The following SAR1A variants were observed in gnomAD, a reference collection of about 807,000 sequenced individuals.
SAR1A encodes the protein secretion associated Ras related GTPase 1A.
A neutral mutation model predicts 22.6 loss-of-function variants in SAR1A; 6 were observed. The observed-to-expected ratio is 0.27, with a 90% CI of 0.15 to 0.52. The LOEUF (loss-of-function observed/expected upper bound fraction) is 0.52, where lower values mean the gene tolerates loss of function less well. Among genes scored for constraint, SAR1A ranks in the 20% least tolerant of loss-of-function variants. SAR1A has a pLI of 0.96. For synonymous variants in SAR1A, 70 were observed against 82.2 expected (o/e 0.85, Z 0.80); for missense variants, 145 against 245.1 (o/e 0.59, Z 2.73).
At chr10:70,157,675 G>T in intron 5 of SAR1A, 89 bp downstream of exon 5, 4 of 802,498 alleles carry the variant, frequency 5.0e-6, no homozygotes, top group South Asian at 1.8e-5. Context: ...CTAATTATTG[G>T]CACTACTGAG....
intron 4 of SAR1A, among the ~76,000 whole-genome samples, chr10:70,159,672 T>C (rs980083825): frequency 6.6e-6 from 1 of 152,248 alleles, no homozygotes; most frequent in South Asian, 2.1e-4. Context: ...CTCAACCTAA[T>C]GTTTCAAAAC....
chr10:70,148,794 CAAACAA>C lies in SAR1A; in HGVS notation c.*3676_*3681del, dbSNP rs1338143452. 1 of 142,368 alleles carries C rather than the reference CAAACAA, an allele frequency of 7.0e-6. No homozygotes were observed. Among genetic ancestry groups the C allele is most frequent in the African/African-American group, 2.9e-5 (1 of 34,174 alleles). 8.8% of individuals were successfully genotyped at this position (142,368 alleles called of 1,614,324 possible). ...GACAGAGTGAGACCAACTCAAAAAACAAACAAACAAACAAACAAACAAACTTTCTCT... is the reference window on the plus strand; with the variant it reads ...GACAGAGTGAGACCAACTCAAAAAACACAAACAAACAAACAAACTTTCTCT... On this transcript the variant is annotated 3_prime_UTR_variant, in exon 7 of 7. Coordinates refer to ENST00000373241, the MANE Select transcript of SAR1A (RefSeq NM_020150.5).
In SAR1A at chr10:70,153,840, T is replaced by TTC; in HGVS notation, c.476_477dup (p.Lys160GlufsTer5). 6.3e-7 allele frequency: 1 copy of TTC among 1,579,454 alleles called. No individual in the cohort carries two copies. Among genetic ancestry groups the TTC allele is most frequent in the Non-Finnish European group, 8.5e-7 (1 of 1,170,458 alleles). ...TAACCCAAATATTTTTCTCTTACCT[T>TTC]TCCTGTGGTCTGTCCATAAAGCCCA... is the stretch of plus-strand genomic sequence containing the variant. On this transcript the variant is annotated frameshift_variant, in exon 6 of 7. Coordinates refer to ENST00000373241, the MANE Select transcript of SAR1A (RefSeq NM_020150.5). LOFTEE classifies it high-confidence loss of function.
chr10:70,162,061 C>T, intron 1 of SAR1A, 130 bp from the exon 2 acceptor site: 1 of 683,284 alleles, frequency 1.5e-6, no homozygotes, highest in Non-Finnish European at 2.5e-6. Flanking sequence ...GAAAGCAGGC[C>T]AGGCATGGTG....
At chr10:70,156,706 T>TGGCAGGCAATTCTACATGA (rs1320049481) in intron 5 of SAR1A, among the ~76,000 whole-genome samples, 2 of 148,388 alleles carry the variant, frequency 1.3e-5, no homozygotes, top group African/African-American at 4.9e-5. Context: ...AAAGACTGCG[T>TGGCAGGCAATTCTACATGA]GGCAGGCAAT....
intron 1 of SAR1A, chr10:70,163,707 A>G: frequency 2.5e-6 from 2 of 788,420 alleles, no homozygotes; most frequent in East Asian, 2.4e-5. Flanking sequence ...CTGACTGAGG[A>G]GCAGATTGTA....
At chr10:70,159,758 C>T (rs776418233) in intron 4 of SAR1A, among the ~76,000 whole-genome samples, 37 of 152,198 alleles carry the variant, frequency 2.4e-4, no homozygotes, top group Non-Finnish European at 4.4e-4. Context: ...CCTACTTTCC[C>T]AGAATATTTA....
intron 1 of SAR1A, among the ~76,000 whole-genome samples, chr10:70,162,243 G>C (rs567647321): frequency 4.4e-4 from 67 of 151,570 alleles, no homozygotes; most frequent in Non-Finnish European, 4.4e-5. Context: ...AGGAGGGTGA[G>C]ACAGAAGAAT....
chr10:70,159,524 G>A (rs1300165921), intron 4 of SAR1A, among the ~76,000 whole-genome samples: 2 of 151,952 alleles, frequency 1.3e-5, no homozygotes, highest in Non-Finnish European at 2.9e-5. Context: ...CGGAAACCCA[G>A]TCTCTACAAA....
At position 70,148,260 on chromosome 10, in the gene SAR1A, T is replaced by TTTAAATAAAGCAGTG. The variant is rs1433176853; in HGVS notation, c.*4215_*4216insCACTGCTTTATTTAA. The TTTAAATAAAGCAGTG allele has an allele frequency of 2.0e-5, 3 of 152,286 alleles. No homozygotes were observed. Among genetic ancestry groups the TTTAAATAAAGCAGTG allele is most frequent in the East Asian group, 3.8e-4 (2 of 5,208 alleles). 9.4% of individuals were successfully genotyped at this position (152,286 alleles called of 1,614,324 possible). ...TTCTCTAATCTTTCTGCCTGAATTC[T>TTTAAATAAAGCAGTG]TTAAATAAAGTTAACACTGCTTGGT... On this transcript the variant is annotated 3_prime_UTR_variant, in exon 7 of 7. Transcript: ENST00000373241.
chr10:70,155,889 C>T (rs555502295), intron 5 of SAR1A, among the ~76,000 whole-genome samples: 1 of 152,050 alleles, frequency 6.6e-6, no homozygotes, highest in African/African-American at 2.4e-5. Flanking sequence ...ATGAATGATC[C>T]TATGTGCTAT....
rs1839298817 is a variant in SAR1A at position 70,149,233 on chromosome 10, CCTGG to C, written c.*3239_*3242del. On this transcript the variant is annotated 3_prime_UTR_variant, in exon 7 of 7. Coordinates refer to ENST00000373241, the MANE Select transcript of SAR1A (RefSeq NM_020150.5). ...GGGATTAAAGGTGCGTCCCACCGTG[CCTGG>C]CTAATTTTTGTATTTTTAGTAGAGA... 1 of 152,162 alleles carries C rather than the reference CCTGG, an allele frequency of 6.6e-6. No individual in the cohort carries two copies. The highest frequency in any genetic ancestry group is 1.5e-5 in the Non-Finnish European group (1 of 68,074). 9.4% of individuals were successfully genotyped at this position (152,162 alleles called of 1,614,324 possible).
rs1839265961 is a variant in SAR1A, at chr10:70,147,419, T to C, written c.*5057A>G. 1 of 152,180 alleles carries C rather than the reference T, an allele frequency of 6.6e-6. No individual in the cohort carries two copies. Among genetic ancestry groups the C allele is most frequent in the African/African-American group, 2.4e-5 (1 of 41,430 alleles). The allele number at this position is 152,180 out of a possible 1,614,324, so 9.4% of individuals were successfully genotyped here. A position where few individuals can be genotyped will look rare whatever the true frequency, so the allele number is the denominator to read the frequency against. On this transcript the variant is annotated 3_prime_UTR_variant, in exon 7 of 7. Coordinates refer to ENST00000373241, the MANE Select transcript of SAR1A (RefSeq NM_020150.5). ...CTGTAGAAGGCCAGAATGGAAACAG[T>C]TCCAGTTTGGGGGGACCATACAACT...
intron 5 of SAR1A, chr10:70,155,174 T>G (rs1190790351): frequency 4.1e-6 from 2 of 483,406 alleles, no homozygotes. Context: ...TATTTTTCAG[T>G]ATAATGAATT....
chr10:70,161,493 C>A (rs890073528), intron 3 of SAR1A, 126 bp downstream of exon 3: 3 of 1,128,018 alleles, frequency 2.7e-6, no homozygotes, highest in Non-Finnish European at 3.8e-6. Flanking sequence ...TTACAGGGAA[C>A]TTTCTCGTAT....
rs775143484 is a variant in SAR1A, at chr10:70,153,835, T to C, written c.480+3A>G. The C allele has an allele frequency of 8.9e-6, 14 of 1,576,236 alleles. No individual in the cohort carries two copies. In the South Asian group the frequency reaches 1.4e-4, roughly 16 times the overall value. On this transcript the variant is annotated splice_donor_region_variant and intron_variant, in intron 6 of 6. Coordinates refer to ENST00000373241, the MANE Select transcript of SAR1A (RefSeq NM_020150.5). ...ATATGTAACCCAAATATTTTTCTCT[T>C]ACCTTTCCTGTGGTCTGTCCATAAA...
At position 70,152,503 on chromosome 10, in the gene SAR1A, G is replaced by A. The variant is rs1424954313; in HGVS notation, c.570C>T (p.Phe190=). 5.0e-6 allele frequency: 8 copies of A among 1,613,754 alleles called. No individual in the cohort carries two copies. Among genetic ancestry groups the A allele is most frequent in the Non-Finnish European group, 6.8e-6 (8 of 1,179,778 alleles). The change falls in exon 7 of 7, where the codon TTC becomes TTT. Residue 190 remains phenylalanine (F), a synonymous_variant. Transcript: ENST00000373241. ...VLKRQGYGEG[F]RWLSQYID ...AGTCAATATACTGGGAGAGCCAGCG[G>A]AAACCCTCGCCGTAACCTTGCCTCT...
chr10:70,154,351 CCCAAGTATTCA>C (rs1344552721), intron 5 of SAR1A, among the ~76,000 whole-genome samples: 1 of 152,152 alleles, frequency 6.6e-6, no homozygotes, highest in African/African-American at 2.4e-5. Context: ...ACAGGAATTC[CCCAAGTATTCA>C]CCAAGTCCCA....
rs926727079 is a variant in SAR1A at position 70,162,608 on chromosome 10, T to C, written c.-16-677A>G. 3.9e-5 allele frequency: 6 copies of C among 152,198 alleles called. No individual in the cohort carries two copies. In the East Asian group the frequency reaches 5.8e-4, roughly 15 times the overall value. 9.4% of individuals were successfully genotyped at this position (152,198 alleles called of 1,614,324 possible). On this transcript the variant is annotated intron_variant, in intron 1 of 6. Transcript: ENST00000373241. ...TCTGGAGGAGAGTCTAGAATCCTTATATGTGCAAAAATAACTTGTTTCCTA... is the reference window on the plus strand; with the variant it reads ...TCTGGAGGAGAGTCTAGAATCCTTACATGTGCAAAAATAACTTGTTTCCTA...
Sources: allele counts gnomAD v4.1 joint callset (sites outside exome capture counted in the v4.1 genomes callset), GRCh38; gene constraint gnomAD v4.1.1; transcripts MANE v1.5; gene names NCBI Gene and HGNC (gene_info 2026-07-23, HGNC 2026-07-21).